Variants in HIPK3 observed in about 807,000 individuals in gnomAD.
HIPK3 encodes the protein homeodomain-interacting protein kinase 3.
HIPK3 carries 47 observed loss-of-function variants against 124.2 expected under a neutral mutation model. The observed-to-expected ratio is 0.38, with a 90% CI of 0.30 to 0.48. HIPK3 has a LOEUF of 0.48. HIPK3 is among the 20% of genes least tolerant of loss of function. The probability of loss-of-function intolerance (pLI) is 0.98; values close to 1 mark genes in which losing one functional copy is unlikely to be tolerated. For missense variants in HIPK3, 1,286 were observed against 1,454.3 expected (o/e 0.88, Z 1.88); for synonymous variants, 482 against 515.2 (o/e 0.94, Z 0.87).
Position 33,349,232 on chromosome 11 carries a change from C to CT in HIPK3, c.2753dup (p.Ser919GlufsTer18). On this transcript the variant is annotated frameshift_variant, in exon 14 of 17. Coordinates refer to ENST00000303296, the MANE Select transcript of HIPK3 (RefSeq NM_005734.5). LOFTEE classifies it high-confidence loss of function. ...TTCATTAAGTAGTCCTGATAGTACTCTGAGTACCAGCTCCTCAGGGCAGTC... is the reference window on the plus strand; with the variant it reads ...TTCATTAAGTAGTCCTGATAGTACTCTTGAGTACCAGCTCCTCAGGGCAGTC... 1 of 1,613,818 alleles carries CT rather than the reference C, an allele frequency of 6.2e-7. No individual in the cohort carries two copies. The highest frequency in any genetic ancestry group is 8.5e-7 in the Non-Finnish European group (1 of 1,179,740).
chr11:33,348,300 C>A, intron 12 of HIPK3, 72 bp downstream of exon 12: 2 of 1,360,800 alleles, frequency 1.5e-6, no homozygotes, highest in Non-Finnish European at 2.1e-6. Context: ...ATTCAGATAG[C>A]ACATTTACCA....
At chr11:33,308,328 C>A (rs1852224430) in intron 2 of HIPK3, among the ~76,000 whole-genome samples, 3 of 152,196 alleles carry the variant, frequency 2.0e-5, no homozygotes, top group African/African-American at 7.2e-5. Flanking sequence ...CCTGATTGTT[C>A]TTCAAGGGCC....
chr11:33,350,044 C>T (rs1234508653), intron 14 of HIPK3, among the ~76,000 whole-genome samples: 2 of 152,086 alleles, frequency 1.3e-5, no homozygotes, highest in Non-Finnish European at 2.9e-5. Context: ...GGATTACAGG[C>T]GTGAGCCACC....
intron 3 of HIPK3, among the ~76,000 whole-genome samples, chr11:33,332,976 A>G (rs1379974352): frequency 6.6e-6 from 1 of 152,016 alleles, no homozygotes; most frequent in Non-Finnish European, 1.5e-5. Context: ...GAGATGGGGG[A>G]GATGGGTACT....
chr11:33,281,720 A>G (rs1410186900), intron 1 of HIPK3, among the ~76,000 whole-genome samples: 5 of 152,228 alleles, frequency 3.3e-5, no homozygotes, highest in South Asian at 2.1e-4. Flanking sequence ...ATTGTAAAGT[A>G]TACATTTTTT....
At position 33,287,079 on chromosome 11, in the gene HIPK3, T is replaced by G; in HGVS notation, c.665T>G (p.Ile222Ser). ...TGCTGGAAAAGAGGGACAAATGAAA[T>G]TGTAGCAATCAAAATTTTGAAGAAT... ...VKCWKRGTNE[I>S]VAIKILKNHP... The change falls in exon 2 of 17, where the codon ATT (isoleucine) becomes AGT (serine). Residue 222 changes from isoleucine (I) to serine (S), a missense_variant. Around this residue, in one of 3 missense-constraint regions of HIPK3, gnomAD observed 251 missense variants for 349.1 expected, o/e 0.72. Coordinates refer to ENST00000303296, the MANE Select transcript of HIPK3 (RefSeq NM_005734.5). The G allele has an allele frequency of 6.2e-7, 1 of 1,614,156 alleles. No individual in the cohort carries two copies. The highest frequency in any genetic ancestry group is 1.1e-5 in the South Asian group (1 of 91,082).
At chr11:33,345,547 T>G (rs190869184) in intron 8 of HIPK3, among the ~76,000 whole-genome samples, 1,551 of 152,276 alleles carry the variant, frequency 0.01, 8 homozygotes, top group Non-Finnish European at 0.015. Context: ...TGGAGAGAAT[T>G]TACAGACAAT....
intron 2 of HIPK3, among the ~76,000 whole-genome samples, chr11:33,303,778 G>A (rs758361003): frequency 2.6e-5 from 4 of 152,158 alleles, no homozygotes; most frequent in Non-Finnish European, 5.9e-5. Flanking sequence ...ATCAGCTGGT[G>A]TGGCAAGATT....
chr11:33,301,854 A>ACACACACACACACACG (rs927187526), intron 2 of HIPK3, among the ~76,000 whole-genome samples: 2 of 151,438 alleles, frequency 1.3e-5, no homozygotes, highest in Non-Finnish European at 2.9e-5. Context: ...ACACACACAC[A>ACACACACACACACACG]CGAGTACAGT....
At chr11:33,343,402 C>T (rs1339389109) in intron 8 of HIPK3, among the ~76,000 whole-genome samples, 1 of 151,848 alleles carries the variant, frequency 6.6e-6, no homozygotes. Context: ...GCCTCAGCCT[C>T]CCAAGTAGCT....
chr11:33,342,553 TTTTTTTTGAGACAGAG>T (rs1853367007), intron 8 of HIPK3, among the ~76,000 whole-genome samples: 1 of 151,904 alleles, frequency 6.6e-6, no homozygotes, highest in Non-Finnish European at 1.5e-5. Flanking sequence ...TTTTTTTTTT[TTTTTTTTGAGACAGAG>T]TTTCACTCTT....
At chr11:33,349,776 G>A (rs1853603111) in intron 14 of HIPK3, among the ~76,000 whole-genome samples, 3 of 151,800 alleles carry the variant, frequency 2.0e-5, no homozygotes, top group South Asian at 4.2e-4. Context: ...GCTGAGGGGC[G>A]GGTGGGAGGA....
At chr11:33,328,677 A>G (rs183004227) in intron 3 of HIPK3, 44 bp downstream of exon 3, 73 of 1,577,490 alleles carry the variant, frequency 4.6e-5, no homozygotes, top group Non-Finnish European at 6.3e-5. Flanking sequence ...AAAAGTAAAG[A>G]ATAATAACAG....
At position 33,355,997 on chromosome 11, in the gene HIPK3, C is replaced by G. The variant is rs1417848147; in HGVS notation, c.*2429C>G. ...TGTTCCAGCAGATTATTAGGATCTGCTTACTTCTTAGGAAAGAATCAATGC... is the reference window on the plus strand; with the variant it reads ...TGTTCCAGCAGATTATTAGGATCTGGTTACTTCTTAGGAAAGAATCAATGC... On this transcript the variant is annotated 3_prime_UTR_variant, in exon 17 of 17. Coordinates refer to ENST00000303296, the MANE Select transcript of HIPK3 (RefSeq NM_005734.5). The G allele has an allele frequency of 6.6e-6, 1 of 151,968 alleles. No individual in the cohort carries two copies. Among genetic ancestry groups the G allele is most frequent in the Non-Finnish European group, 1.5e-5 (1 of 67,880 alleles). 9.4% of individuals were successfully genotyped at this position (151,968 alleles called of 1,614,324 possible).
Position 33,355,459 on chromosome 11 carries a change from A to C in HIPK3, c.*1891A>C, listed in dbSNP as rs528003266. On this transcript the variant is annotated 3_prime_UTR_variant, in exon 17 of 17. Transcript: ENST00000303296. ...GCTTGACTTAACTTTTTTCCTTAAA[A>C]ATCTGGAATATAATCTTACAGCATT... 2.6e-5 allele frequency: 4 copies of C among 152,160 alleles called. No homozygotes were observed. In the South Asian group the frequency reaches 8.3e-4, roughly 31 times the overall value. The allele number at this position is 152,160 out of a possible 1,614,324, so 9.4% of individuals were successfully genotyped here.
At chr11:33,321,398 A>G (rs1466708717) in intron 2 of HIPK3, among the ~76,000 whole-genome samples, 1 of 152,212 alleles carries the variant, frequency 6.6e-6, no homozygotes, top group Non-Finnish European at 1.5e-5. Context: ...AGGAGGATAT[A>G]TAATCAAGAG....
intron 2 of HIPK3, among the ~76,000 whole-genome samples, chr11:33,290,912 T>C (rs11607288): frequency 0.29 from 44,049 of 152,102 alleles, 7,297 homozygotes; most frequent in Middle Eastern, 0.43. Flanking sequence ...ATTGCTATGC[T>C]AAATTACAGG....
At chr11:33,339,621 A>T in intron 6 of HIPK3, 87 bp downstream of exon 6, 1 of 985,770 alleles carries the variant, frequency 1.0e-6, no homozygotes, top group East Asian at 2.4e-5. Flanking sequence ...ACTTTTCTTC[A>T]TTAAACACAA....
At chr11:33,278,672 G>A (rs1037674286) in intron 1 of HIPK3, among the ~76,000 whole-genome samples, 1 of 152,078 alleles carries the variant, frequency 6.6e-6, no homozygotes. Flanking sequence ...GTGAAACTCC[G>A]TCTCTACTAA....
Sources: allele counts gnomAD v4.1 joint callset (sites outside exome capture counted in the v4.1 genomes callset), GRCh38; gene constraint gnomAD v4.1.1; regional missense constraint gnomAD v4.1.1; transcripts MANE v1.5; gene names NCBI Gene and HGNC (gene_info 2026-07-23, HGNC 2026-07-21).